The following SEMA6D variants were observed in gnomAD, a reference collection of about 807,000 sequenced individuals.
The protein encoded by SEMA6D is semaphorin 6D.
In SEMA6D, 35 loss-of-function variants were observed where a neutral mutation model predicts 106.6. That is an observed-to-expected ratio of 0.33 (90% CI 0.25 to 0.44). The LOEUF (loss-of-function observed/expected upper bound fraction) is 0.44. SEMA6D is among the 20% of genes least tolerant of loss of function. SEMA6D has a pLI of 1.00. For missense variants in SEMA6D, 1,185 were observed against 1,345.9 expected (o/e 0.88, Z 1.87); for synonymous variants, 499 against 487.7 (o/e 1.02, Z -0.31).
chr15:47,466,899 T>C (rs2042680377), intron 2 of SEMA6D, among the ~76,000 whole-genome samples: 1 of 151,440 alleles, frequency 6.6e-6, no homozygotes, highest in African/African-American at 2.4e-5. Flanking sequence ...GCTTTTTTTT[T>C]TTTTTTTGTA....
chr15:47,230,286 A>T (rs2032102273), intron 1 of SEMA6D, among the ~76,000 whole-genome samples: 2 of 152,060 alleles, frequency 1.3e-5, no homozygotes, highest in African/African-American at 4.8e-5. Flanking sequence ...TATTTTTCTT[A>T]TACAGAATAT....
At chr15:47,209,913 A>G in intron 1 of SEMA6D, among the ~76,000 whole-genome samples, 1 of 152,242 alleles carries the variant, frequency 6.6e-6, no homozygotes, top group East Asian at 1.9e-4. Context: ...TTAAAGTGGA[A>G]TGACCAGCAG....
intron 4 of SEMA6D, among the ~76,000 whole-genome samples, chr15:47,662,247 C>T (rs1445479674): frequency 7.2e-5 from 11 of 151,808 alleles, no homozygotes; most frequent in Non-Finnish European, 1.3e-4. Flanking sequence ...CAAACACACA[C>T]ATTGGCAGTC....
At chr15:47,387,424 G>C (rs2039878266) in intron 1 of SEMA6D, among the ~76,000 whole-genome samples, 1 of 152,164 alleles carries the variant, frequency 6.6e-6, no homozygotes, top group Non-Finnish European at 1.5e-5. Flanking sequence ...CTAGTTTTGT[G>C]ACCTTGTATT....
At chr15:47,761,121 A>G (rs2082041198) in intron 4 of SEMA6D, 37 bp from the exon 5 acceptor site, 2 of 1,612,556 alleles carry the variant, frequency 1.2e-6, no homozygotes, top group Admixed American at 1.7e-5. Flanking sequence ...AAATGTTCGC[A>G]GTTAAAAACT....
At chr15:47,405,012 A>G (rs1595916459) in intron 1 of SEMA6D, among the ~76,000 whole-genome samples, 2 of 152,130 alleles carry the variant, frequency 1.3e-5, no homozygotes, top group African/African-American at 2.4e-5. Flanking sequence ...GCTGCTTCTT[A>G]AAGAATGAGT....
chr15:47,604,464 G>C (rs955964829), intron 4 of SEMA6D, among the ~76,000 whole-genome samples: 2 of 152,216 alleles, frequency 1.3e-5, no homozygotes, highest in Middle Eastern at 3.4e-3. Flanking sequence ...AACTAAACAG[G>C]GATATGCTAA....
intron 1 of SEMA6D, chr15:47,241,308 C>G (rs1181229260): frequency 6.6e-6 from 1 of 152,078 alleles, no homozygotes; most frequent in African/African-American, 2.4e-5. Context: ...TTGAATTTCA[C>G]AAAAGAAACG....
chr15:47,254,249 G>A (rs1487744071), intron 1 of SEMA6D, among the ~76,000 whole-genome samples: 2 of 148,314 alleles, frequency 1.3e-5, no homozygotes, highest in African/African-American at 4.9e-5. Context: ...TGAAGTCTTT[G>A]AGATTATATA....
chr15:47,532,519 G>A (rs1049873664), intron 3 of SEMA6D, among the ~76,000 whole-genome samples: 3 of 152,140 alleles, frequency 2.0e-5, no homozygotes, highest in African/African-American at 7.2e-5. Context: ...TAAGCTTTGA[G>A]TTGCTATGGC....
chr15:47,710,006 G>A (rs1420719411), intron 4 of SEMA6D, among the ~76,000 whole-genome samples: 1 of 151,990 alleles, frequency 6.6e-6, no homozygotes, highest in African/African-American at 2.4e-5. Context: ...AAATAAACAT[G>A]AGGCAAATAA....
In SEMA6D at chr15:47,772,802, T is replaced by TCGC. The variant is rs2082686840; in HGVS notation, c.*1018_*1019insGCC. ...AGGTTTTATTTTGATTGTGTTCGTT[T>TCGC]CCCCCCCCCCAATAGTAAAATTTCT... On this transcript the variant is annotated 3_prime_UTR_variant, in exon 19 of 19. Transcript: ENST00000536845. 1 of 108,948 alleles carries TCGC rather than the reference T, an allele frequency of 9.2e-6. No homozygotes were observed. Among genetic ancestry groups the TCGC allele is most frequent in the Admixed American group, 1.1e-4 (1 of 9,418 alleles). The allele number at this position is 108,948 out of a possible 1,614,324, so 6.7% of individuals were successfully genotyped here.
chr15:47,766,244 A>G, intron 15 of SEMA6D, 62 bp downstream of exon 15: 1 of 1,415,960 alleles, frequency 7.1e-7, no homozygotes, highest in Non-Finnish European at 9.7e-7. Context: ...CTAAAGCTAG[A>G]AATTGCAGAA....
At chr15:47,186,996 CA>C (rs1332169581) in intron 1 of SEMA6D, among the ~76,000 whole-genome samples, 3 of 151,258 alleles carry the variant, frequency 2.0e-5, no homozygotes, top group Non-Finnish European at 4.4e-5. Flanking sequence ...TAAACTTGTT[CA>C]TAAAGAAAAA....
At chr15:47,332,635 A>C (rs1201927305) in intron 1 of SEMA6D, among the ~76,000 whole-genome samples, 3 of 152,076 alleles carry the variant, frequency 2.0e-5, no homozygotes, top group Admixed American at 2.0e-4. Context: ...ACAACACTTC[A>C]CTCTGGAATC....
intron 3 of SEMA6D, among the ~76,000 whole-genome samples, chr15:47,552,539 C>T (rs1261315905): frequency 1.4e-5 from 2 of 144,826 alleles, no homozygotes; most frequent in Admixed American, 7.1e-5. Flanking sequence ...CACACACACA[C>T]ACACACACAC....
intron 4 of SEMA6D, among the ~76,000 whole-genome samples, chr15:47,704,834 T>G (rs1177949101): frequency 6.6e-6 from 1 of 152,252 alleles, no homozygotes. Context: ...AAAGGATTCT[T>G]GTATTTTACC....
At chr15:47,559,133 C>G (rs2046003357) in intron 3 of SEMA6D, among the ~76,000 whole-genome samples, 1 of 152,012 alleles carries the variant, frequency 6.6e-6, no homozygotes, top group Non-Finnish European at 1.5e-5. Flanking sequence ...CCAAAGGCAT[C>G]TGGAAAGATA....
At chr15:47,751,262 A>G (rs2081416952) in intron 1 of SEMA6D, among the ~76,000 whole-genome samples, 2 of 152,206 alleles carry the variant, frequency 1.3e-5, no homozygotes, top group Non-Finnish European at 1.5e-5. Context: ...TGAATGCTAT[A>G]TAAACCTAAA....
Sources: allele counts gnomAD v4.1 joint callset (sites outside exome capture counted in the v4.1 genomes callset), GRCh38; gene constraint gnomAD v4.1.1; transcripts MANE v1.5; gene names NCBI Gene and HGNC (gene_info 2026-07-23, HGNC 2026-07-21).